The following SH3PXD2B variants were observed in gnomAD, a reference collection of about 807,000 sequenced individuals.
The protein encoded by SH3PXD2B is SH3 and PX domain-containing protein 2B.
SH3PXD2B carries 37 observed loss-of-function variants against 73.1 expected under a neutral mutation model. The observed-to-expected ratio is 0.51, with a 90% CI of 0.39 to 0.67. The LOEUF is 0.67. SH3PXD2B is among the 30% of genes least tolerant of loss of function. The pLI is 0.00. For missense variants in SH3PXD2B, 1,053 were observed against 1,197.8 expected (o/e 0.88, Z 1.78); for synonymous variants, 457 against 480.5 (o/e 0.95, Z 0.64).
In SH3PXD2B at chr5:172,454,457, C is replaced by G. The variant is rs1007140599; in HGVS notation, c.-105G>C. 1.6e-4 allele frequency: 91 copies of G among 573,212 alleles called. No homozygotes were observed. The highest frequency in any genetic ancestry group is 1.4e-3 in the African/African-American group (71 of 49,252). The allele number at this position is 573,212 out of a possible 1,614,324, so 35.5% of individuals were successfully genotyped here. ...CGGGCAGGGAACCTGGAGCTGAGCG[C>G]AATCGCAGCCGGGGCCGAGCACGAG... On this transcript the variant is annotated 5_prime_UTR_variant, in exon 1 of 13. Coordinates refer to ENST00000311601, the MANE Select transcript of SH3PXD2B (RefSeq NM_001017995.3).
Position 172,334,229 on chromosome 5 carries a change from C to A in SH3PXD2B, c.*4140G>T. The A allele has an allele frequency of 9.3e-7, 1 of 1,073,906 alleles. No homozygotes were observed. The highest frequency in any genetic ancestry group is 1.1e-6 in the Non-Finnish European group (1 of 887,260). The allele number at this position is 1,073,906 out of a possible 1,614,324, so 66.5% of individuals were successfully genotyped here. On this transcript the variant is annotated 3_prime_UTR_variant, in exon 13 of 13. Coordinates refer to ENST00000311601, the MANE Select transcript of SH3PXD2B (RefSeq NM_001017995.3). ...ATGCCACCCCACGGAGCTGGGCAGT[C>A]CAGTCTGTAGAAAGGTGCTCTGAAG...
intron 3 of SH3PXD2B, among the ~76,000 whole-genome samples, chr5:172,400,181 A>T (rs1374339605): frequency 1.3e-5 from 2 of 152,126 alleles, no homozygotes; most frequent in Non-Finnish European, 2.9e-5. Context: ...GTACTGGGAG[A>T]TACCCCATAC....
intron 1 of SH3PXD2B, among the ~76,000 whole-genome samples, chr5:172,432,351 TAAACAGCAA>T (rs1759268279): frequency 1.3e-5 from 2 of 152,148 alleles, no homozygotes; most frequent in African/African-American, 4.8e-5. Flanking sequence ...TGGGCCATAC[TAAACAGCAA>T]AATCAACAAA....
Position 172,333,798 on chromosome 5 carries a change from C to T in SH3PXD2B, c.*4571G>A, listed in dbSNP as rs1443108714. 3 of 1,289,170 alleles carry T rather than the reference C, an allele frequency of 2.3e-6. No individual in the cohort carries two copies. The highest frequency in any genetic ancestry group is 3.0e-6 in the Non-Finnish European group (3 of 988,710). The allele number at this position is 1,289,170 out of a possible 1,614,324, so 79.9% of individuals were successfully genotyped here. On this transcript the variant is annotated 3_prime_UTR_variant, in exon 13 of 13. Transcript: ENST00000311601. ...GAGGGAGGTAAGAAATGGCCTGTTA[C>T]TTGGAAGCTCCCCAAAGCAGGAAAT...
At chr5:172,426,280 C>T (rs1293107694) in intron 1 of SH3PXD2B, among the ~76,000 whole-genome samples, 4 of 152,182 alleles carry the variant, frequency 2.6e-5, no homozygotes, top group East Asian at 1.9e-4. Flanking sequence ...GCTTTGTCCC[C>T]GTCCTGGGTT....
At chr5:172,397,990 A>G (rs1758343516) in intron 3 of SH3PXD2B, among the ~76,000 whole-genome samples, 1 of 152,186 alleles carries the variant, frequency 6.6e-6, no homozygotes, top group Non-Finnish European at 1.5e-5. Flanking sequence ...GAAATCTGAC[A>G]CACCTGTTTG....
intron 5 of SH3PXD2B, among the ~76,000 whole-genome samples, chr5:172,379,283 A>T (rs1757889406): frequency 6.7e-6 from 1 of 148,794 alleles, no homozygotes; most frequent in Admixed American, 6.7e-5. Flanking sequence ...AGCCTGGACA[A>T]CATAGCCAGA....
chr5:172,368,523 A>ACG (rs1757594433), intron 6 of SH3PXD2B, among the ~76,000 whole-genome samples: 1 of 19,916 alleles, frequency 5.0e-5, no homozygotes, highest in African/African-American at 3.6e-4. Flanking sequence ...AAATATATAT[A>ACG]TATTATATAT....
At chr5:172,354,390 G>A (rs900038939) in intron 8 of SH3PXD2B, among the ~76,000 whole-genome samples, 2 of 152,302 alleles carry the variant, frequency 1.3e-5, no homozygotes, top group Admixed American at 6.5e-5. Flanking sequence ...CTTATTTATT[G>A]TGTTTCGTTC....
At chr5:172,420,756 C>T (rs568186410) in intron 2 of SH3PXD2B, among the ~76,000 whole-genome samples, 53 of 152,178 alleles carry the variant, frequency 3.5e-4, no homozygotes, top group Non-Finnish European at 7.2e-4. Context: ...CTATGACACA[C>T]AATAATGTGT....
Position 172,339,199 on chromosome 5 carries a change from A to C in SH3PXD2B, c.1906T>G (p.Leu636Val). 1.9e-6 allele frequency: 3 copies of C among 1,614,232 alleles called. No individual in the cohort carries two copies. Among genetic ancestry groups the C allele is most frequent in the Non-Finnish European group, 2.5e-6 (3 of 1,180,046 alleles). The change falls in exon 13 of 13, where the codon TTG becomes GTG. Residue 636 changes from leucine to valine, a missense_variant. Transcript: ENST00000311601. The surrounding 1 kb of genome is among the most constrained non-coding windows in gnomAD (Gnocchi z 6.1). Reference sequence around the variant, plus strand: ...GGCCTAACCTGAGGTCTGGACTTCAAGAAGGGATTCTGGGGAGTGGCATCT... The same window carrying C: ...GGCCTAACCTGAGGTCTGGACTTCACGAAGGGATTCTGGGGAGTGGCATCT... ...KPDATPQNPFLKSRPQVRPKP... is the reference protein window; with the variant it reads ...KPDATPQNPFVKSRPQVRPKP...
chr5:172,437,448 A>G (rs753423601), intron 1 of SH3PXD2B, among the ~76,000 whole-genome samples: 61 of 152,282 alleles, frequency 4.0e-4, no homozygotes, highest in Middle Eastern at 3.4e-3. Context: ...ACCGAGGCAC[A>G]GAGCCATGCT....
chr5:172,414,312 T>A (rs1235514200), intron 2 of SH3PXD2B, among the ~76,000 whole-genome samples: 1 of 151,168 alleles, frequency 6.6e-6, no homozygotes, highest in East Asian at 1.9e-4. Context: ...CTACTAAAAA[T>A]ACAAAAATTA....
chr5:172,349,336 C>T lies in SH3PXD2B; in HGVS notation c.1012+1027G>A, dbSNP rs148911696. ...CTCAACAGAGTTCACCTGCCCTGCA[C>T]GGCCAAGACAGGATCATGGGCACTG... On this transcript the variant is annotated intron_variant, in intron 10 of 12. Coordinates refer to ENST00000311601, the MANE Select transcript of SH3PXD2B (RefSeq NM_001017995.3). Among the ~76,000 whole-genome samples, 437 of 152,342 alleles carry T rather than the reference C, an allele frequency of 2.9e-3. 4 individuals carry two copies. Among genetic ancestry groups the T allele is most frequent in the African/African-American group, 0.01 (416 of 41,574 alleles).
chr5:172,390,772 T>C (rs1442206192), intron 4 of SH3PXD2B, among the ~76,000 whole-genome samples: 3 of 151,990 alleles, frequency 2.0e-5, no homozygotes, highest in Non-Finnish European at 4.4e-5. Context: ...GTTTAACTTT[T>C]GAGGAAACTG....
chr5:172,439,293 C>CAAAAAAAA (rs1233319484), intron 1 of SH3PXD2B, among the ~76,000 whole-genome samples: 5 of 61,586 alleles, frequency 8.1e-5, no homozygotes, highest in African/African-American at 3.3e-4. Flanking sequence ...AAAAAAAAAC[C>CAAAAAAAA]CCAAAAAAAA....
rs1561889339 is a variant in SH3PXD2B, at chr5:172,337,793, C to T, written c.*576G>A. 1 of 996,138 alleles carries T rather than the reference C, an allele frequency of 1.0e-6. No individual in the cohort carries two copies. The allele number at this position is 996,138 out of a possible 1,614,324, so 61.7% of individuals were successfully genotyped here. A position where few individuals can be genotyped will look rare whatever the true frequency, so the allele number is the denominator to read the frequency against. On this transcript the variant is annotated 3_prime_UTR_variant, in exon 13 of 13. Transcript: ENST00000311601. The stretch of plus-strand genomic sequence containing the variant: ...GCCGCATCCAGTGGAACCTCAGAGG[C>T]CCACGGGCCTGAGGCTTTGGGGAAG...
rs554087639 is a variant in SH3PXD2B, at chr5:172,327,080, G to A, written c.1189-1700C>T. On this transcript the variant is annotated intron_variant, in intron 12 of 12. Coordinates refer to the SH3PXD2B transcript ENST00000519643. The stretch of plus-strand genomic sequence containing the variant: ...TCACCATGTTGGCCACGCTGGTCTC[G>A]AACTCCTGACCTCAGGTGATCCGCC... 1.9e-3 allele frequency among the ~76,000 whole-genome samples: 283 copies of A among 152,070 alleles called. 2 individuals are homozygous for A. The highest frequency in any genetic ancestry group is 6.4e-3 in the African/African-American group (265 of 41,472).
At chr5:172,354,157 T>C in intron 8 of SH3PXD2B, 152 bp from the exon 9 acceptor site, 4 of 731,154 alleles carry the variant, frequency 5.5e-6, no homozygotes, top group South Asian at 4.5e-5. Context: ...TGGACAGCCC[T>C]GTGCAAGCAG....
Sources: allele counts gnomAD v4.1 joint callset (sites outside exome capture counted in the v4.1 genomes callset), GRCh38; gene constraint gnomAD v4.1.1; non-coding constraint Gnocchi (gnomAD v3.1); transcripts MANE v1.5; gene names NCBI Gene and HGNC (gene_info 2026-07-23, HGNC 2026-07-21).